Variants in IMMP2L observed in about 807,000 individuals in gnomAD.
The protein encoded by IMMP2L is mitochondrial inner membrane protease subunit 2.
Under a neutral mutation model 19.3 loss-of-function variants are expected in IMMP2L, and 18 were observed. The ratio of observed to expected loss-of-function variants is 0.93; its 90% CI spans 0.64 to 1.38. IMMP2L has a LOEUF of 1.38. Ranked by LOEUF, IMMP2L falls within the 40% of genes most tolerant of loss-of-function variation. IMMP2L has a pLI of 0.00. For missense variants in IMMP2L, 233 were observed against 218.2 expected (o/e 1.07, Z -0.43); for synonymous variants, 76 against 73.0 (o/e 1.04, Z -0.21).
chr7:111,140,540 T>A (rs1184883843), intron 3 of IMMP2L, among the ~76,000 whole-genome samples: 1 of 152,186 alleles, frequency 6.6e-6, no homozygotes, highest in Admixed American at 6.6e-5. Context: ...CACTGTTGAA[T>A]AAACTTTGTA....
Position 110,757,076 on chromosome 7 carries a change from G to A in IMMP2L, c.409-93355C>T, listed in dbSNP as rs997975840. ...GCCCTGGGGAGCTTAAATTCAAGTGGGTCAGATAAATAACAAACCAAATAA... is the reference window on the plus strand; with the variant it reads ...GCCCTGGGGAGCTTAAATTCAAGTGAGTCAGATAAATAACAAACCAAATAA... On this transcript the variant is annotated intron_variant, in intron 5 of 5. Coordinates refer to ENST00000405709, the MANE Select transcript of IMMP2L (RefSeq NM_032549.4). The surrounding 1 kb of genome is among the most constrained non-coding windows in gnomAD (Gnocchi z 4.2). Among the ~76,000 whole-genome samples, 7 of 151,888 alleles carry A rather than the reference G, an allele frequency of 4.6e-5. No homozygotes were observed. Among genetic ancestry groups the A allele is most frequent in the Non-Finnish European group, 8.8e-5 (6 of 67,996 alleles).
chr7:111,265,488 TATC>T (rs1817735529), intron 3 of IMMP2L, among the ~76,000 whole-genome samples: 1 of 152,152 alleles, frequency 6.6e-6, no homozygotes, highest in Non-Finnish European at 1.5e-5. Flanking sequence ...GACCAATTCT[TATC>T]ATCAAGGATT....
chr7:111,429,483 C>T lies in IMMP2L; in HGVS notation c.239+57755G>A, dbSNP rs570201417. On this transcript the variant is annotated intron_variant, in intron 3 of 5. Transcript: ENST00000405709. ...TTCCACACCCACATCTGGTGCTAGG[C>T]ATGGTTCCTGAATTCAACAGCAGGA... Among the ~76,000 whole-genome samples the T allele has an allele frequency of 1.9e-3, 285 of 151,752 alleles. 2 individuals are homozygous for T. Among genetic ancestry groups the T allele is most frequent in the African/African-American group, 6.7e-3 (274 of 41,154 alleles).
intron 3 of IMMP2L, among the ~76,000 whole-genome samples, chr7:111,150,728 T>C (rs897208830): frequency 1.3e-5 from 2 of 152,246 alleles, no homozygotes; most frequent in Non-Finnish European, 2.9e-5. Context: ...CATATGTATA[T>C]ATTCACTTTA....
chr7:111,048,537 T>G (rs1792675785), intron 3 of IMMP2L, among the ~76,000 whole-genome samples: 1 of 152,122 alleles, frequency 6.6e-6, no homozygotes, highest in Non-Finnish European at 1.5e-5. Context: ...ATCATAGTAC[T>G]TAACATACTA....
intron 3 of IMMP2L, among the ~76,000 whole-genome samples, chr7:111,168,155 G>A (rs1806038244): frequency 6.6e-6 from 1 of 151,916 alleles, no homozygotes; most frequent in Non-Finnish European, 1.5e-5. Context: ...TATGTTGTCT[G>A]TAAAAATGGA....
At chr7:111,543,029 A>C (rs1848624069) in intron 1 of IMMP2L, among the ~76,000 whole-genome samples, 1 of 152,196 alleles carries the variant, frequency 6.6e-6, no homozygotes, top group Non-Finnish European at 1.5e-5. Flanking sequence ...AAAGCAATCC[A>C]ACTGTATATA....
chr7:111,143,453 T>TC (rs1000564532), intron 3 of IMMP2L, among the ~76,000 whole-genome samples: 1 of 152,034 alleles, frequency 6.6e-6, no homozygotes, highest in African/African-American at 2.4e-5. Context: ...ACTGAGATGT[T>TC]CCCCGTGAAA....
intron 5 of IMMP2L, among the ~76,000 whole-genome samples, chr7:110,732,864 C>T (rs544397409): frequency 1.7e-4 from 26 of 151,730 alleles, no homozygotes; most frequent in Non-Finnish European, 2.8e-4. Flanking sequence ...CAGTTCACCG[C>T]AGCCTCAAAC....
intron 5 of IMMP2L, among the ~76,000 whole-genome samples, chr7:110,875,614 G>A (rs1808984889): frequency 6.6e-6 from 1 of 152,054 alleles, no homozygotes; most frequent in African/African-American, 2.4e-5. Context: ...TGTTTCATTT[G>A]CCTGCAGCTT....
chr7:110,861,076 T>C (rs1488032798), intron 5 of IMMP2L, among the ~76,000 whole-genome samples: 2 of 100,322 alleles, frequency 2.0e-5, no homozygotes, highest in Non-Finnish European at 4.0e-5. Context: ...AGTTTGTGTG[T>C]GTGTGTGTGT....
At chr7:110,702,764 A>G (rs1002566849) in intron 5 of IMMP2L, among the ~76,000 whole-genome samples, 9 of 152,166 alleles carry the variant, frequency 5.9e-5, no homozygotes, top group Admixed American at 3.9e-4. Flanking sequence ...ATTGACCTGT[A>G]CTCTTCAACT....
chr7:110,890,169 T>A (rs1182644831), intron 4 of IMMP2L, among the ~76,000 whole-genome samples: 1 of 152,070 alleles, frequency 6.6e-6, no homozygotes. Context: ...ACAATCAATC[T>A]TTTTTTTCTT....
intron 5 of IMMP2L, among the ~76,000 whole-genome samples, chr7:110,780,774 C>A (rs982538599): frequency 7.3e-6 from 1 of 137,700 alleles, no homozygotes; most frequent in Non-Finnish European, 1.6e-5. Context: ...AAAAGCATAT[C>A]TCTCATTTAA....
intron 5 of IMMP2L, among the ~76,000 whole-genome samples, chr7:110,721,619 TAG>T (rs1467665146): frequency 6.6e-6 from 1 of 152,148 alleles, no homozygotes; most frequent in Non-Finnish European, 1.5e-5. Context: ...TTTGATTATT[TAG>T]AGAACATTTC....
chr7:110,966,197 C>T (rs1762264319), intron 3 of IMMP2L, among the ~76,000 whole-genome samples: 1 of 151,942 alleles, frequency 6.6e-6, no homozygotes, highest in African/African-American at 2.4e-5. Flanking sequence ...GACTTCACAT[C>T]TGTAATAGCA....
intron 3 of IMMP2L, among the ~76,000 whole-genome samples, chr7:111,150,014 T>C (rs150646638): frequency 1.3e-4 from 20 of 152,236 alleles, no homozygotes; most frequent in African/African-American, 4.8e-4. Context: ...AAAATTCCAT[T>C]TTACTTTTTA....
rs1012769006 is a variant in IMMP2L at position 111,043,334 on chromosome 7, G to T, written c.240-79769C>A. ...ATGATAAGGTATTATAATTAACTCAGCCAGGAAGCCTGAAATTTCATGGTT... is the reference window on the plus strand; with the variant it reads ...ATGATAAGGTATTATAATTAACTCATCCAGGAAGCCTGAAATTTCATGGTT... On this transcript the variant is annotated intron_variant, in intron 3 of 5. Transcript: ENST00000405709. Among the ~76,000 whole-genome samples, 3 of 152,194 alleles carry T rather than the reference G, an allele frequency of 2.0e-5. 1 individual carries two copies. Among genetic ancestry groups the T allele is most frequent in the Admixed American group, 2.0e-4 (3 of 15,280 alleles).
chr7:111,117,338 T>C (rs763159171), intron 3 of IMMP2L, among the ~76,000 whole-genome samples: 7 of 152,074 alleles, frequency 4.6e-5, no homozygotes, highest in Non-Finnish European at 7.4e-5. Flanking sequence ...AATTTCTAAA[T>C]TATAGAGATC....
Sources: allele counts gnomAD v4.1 joint callset (sites outside exome capture counted in the v4.1 genomes callset), GRCh38; gene constraint gnomAD v4.1.1; non-coding constraint Gnocchi (gnomAD v3.1); transcripts MANE v1.5; gene names NCBI Gene and HGNC (gene_info 2026-07-23, HGNC 2026-07-21).